Variants in RORB observed in about 807,000 individuals in gnomAD.
RORB encodes the protein RAR related orphan receptor B.
In RORB, 6 loss-of-function variants were observed where a neutral mutation model predicts 59.1. That is an observed-to-expected ratio of 0.10 (90% CI 0.06 to 0.20). The LOEUF (loss-of-function observed/expected upper bound fraction) is 0.20, where lower values mean the gene tolerates loss of function less well. Among genes scored for constraint, RORB ranks in the 10% least tolerant of loss-of-function variants. The pLI, the probability that RORB is intolerant of heterozygous loss-of-function variation, is 1.00. For missense variants in RORB, 320 were observed against 560.5 expected, an observed-to-expected ratio of 0.57 and a Z score of 4.33; for synonymous variants, 215 against 204.5, an observed-to-expected ratio of 1.05 and a Z score of -0.44.
At chr9:74,560,948 A>G (rs1173096261) in intron 1 of RORB, among the ~76,000 whole-genome samples, 1 of 152,156 alleles carries the variant, frequency 6.6e-6, no homozygotes. Context: ...CTTGAAATCC[A>G]GTATGAGACT....
intron 1 of RORB, among the ~76,000 whole-genome samples, chr9:74,613,368 C>A (rs757909649): frequency 1.5e-4 from 23 of 152,186 alleles, no homozygotes; most frequent in Admixed American, 3.3e-4. Flanking sequence ...CCAAATGTAT[C>A]TAATCATAAC....
intron 6 of RORB, 59 bp downstream of exon 6, chr9:74,662,665 A>C: frequency 6.3e-7 from 1 of 1,576,560 alleles, no homozygotes; most frequent in Non-Finnish European, 8.6e-7. Flanking sequence ...AGCCCTTAGC[A>C]CTGTGTTGGT....
At chr9:74,638,010 A>T (rs1298187441) in intron 3 of RORB, among the ~76,000 whole-genome samples, 1 of 152,186 alleles carries the variant, frequency 6.6e-6, no homozygotes, top group East Asian at 1.9e-4. Context: ...GGGTAGATTG[A>T]ATCAGACTTC....
chr9:74,589,311 GTCTT>G (rs1398783973), intron 1 of RORB, among the ~76,000 whole-genome samples: 2 of 152,148 alleles, frequency 1.3e-5, no homozygotes, highest in African/African-American at 4.8e-5. Context: ...GTGTTCCTGT[GTCTT>G]TCTATTTCTT....
chr9:74,559,417 G>A (rs867364872), intron 1 of RORB, among the ~76,000 whole-genome samples: 10 of 152,106 alleles, frequency 6.6e-5, no homozygotes, highest in South Asian at 2.1e-4. Context: ...CTGGTATTGC[G>A]TGGAGTTACT....
At chr9:74,678,384 C>T (rs899985526) in intron 9 of RORB, among the ~76,000 whole-genome samples, 1 of 152,176 alleles carries the variant, frequency 6.6e-6, no homozygotes, top group African/African-American at 2.4e-5. Flanking sequence ...GATTCACTAA[C>T]TTCTTAATTC....
intron 4 of RORB, among the ~76,000 whole-genome samples, chr9:74,643,753 G>A (rs1403779933): frequency 8.5e-5 from 13 of 152,190 alleles, no homozygotes; most frequent in Non-Finnish European, 1.8e-4. Context: ...TAGAGCTCAG[G>A]AACCTTCAAG....
In RORB at chr9:74,652,279, G is replaced by T. The variant is rs150288735; in HGVS notation, c.638-8338G>T. Among the ~76,000 whole-genome samples the T allele has an allele frequency of 6.5e-3, 982 of 152,182 alleles. 4 individuals carry two copies. Among genetic ancestry groups the T allele is most frequent in the Non-Finnish European group, 0.011 (725 of 68,006 alleles). On this transcript the variant is annotated intron_variant, in intron 4 of 9. Coordinates refer to ENST00000376896, the MANE Select transcript of RORB (RefSeq NM_006914.4). Reference sequence around the variant, plus strand: ...AAAAATTAGCCAAGTGTGGTGGCTCGTGCCTGTAGTCCCAGCTAGTTGCAC... The same window carrying T: ...AAAAATTAGCCAAGTGTGGTGGCTCTTGCCTGTAGTCCCAGCTAGTTGCAC...
intron 1 of RORB, among the ~76,000 whole-genome samples, chr9:74,506,091 A>G (rs568975542): frequency 1.3e-5 from 2 of 152,072 alleles, no homozygotes; most frequent in South Asian, 2.1e-4. Flanking sequence ...GAAATGACTG[A>G]TGTATATTGA....
chr9:74,689,120 A>G lies in RORB; in HGVS notation c.*3502A>G, dbSNP rs1824695446. On this transcript the variant is annotated 3_prime_UTR_variant, in exon 10 of 10. Coordinates refer to ENST00000376896, the MANE Select transcript of RORB (RefSeq NM_006914.4). ...TCTGTGGCTCCTTTTTTGTTTTGAG[A>G]CAGATCTTGTTCAACATGTTGCTCA... 1 of 152,168 alleles carries G rather than the reference A, an allele frequency of 6.6e-6. No individual in the cohort carries two copies. 9.4% of individuals were successfully genotyped at this position (152,168 alleles called of 1,614,324 possible). A position where few individuals can be genotyped will look rare whatever the true frequency, so the allele number is the denominator to read the frequency against.
At chr9:74,525,189 GAA>G (rs1042019051) in intron 1 of RORB, among the ~76,000 whole-genome samples, 11 of 151,898 alleles carry the variant, frequency 7.2e-5, no homozygotes, top group African/African-American at 2.7e-4. Context: ...ACTGAATGGA[GAA>G]AGAAGTGTGT....
chr9:74,685,637 C>A lies in RORB; in HGVS notation c.*19C>A. On this transcript the variant is annotated 3_prime_UTR_variant, in exon 10 of 10. Coordinates refer to ENST00000376896, the MANE Select transcript of RORB (RefSeq NM_006914.4). ...CAAATGAAGGGGACAAGAGAACTGTCTCATAGTCATGGAATGCATCACCAT... is the reference window on the plus strand; with the variant it reads ...CAAATGAAGGGGACAAGAGAACTGTATCATAGTCATGGAATGCATCACCAT... 1 of 1,548,952 alleles carries A rather than the reference C, an allele frequency of 6.5e-7. No homozygotes were observed. The highest frequency in any genetic ancestry group is 8.8e-7 in the Non-Finnish European group (1 of 1,139,230).
chr9:74,660,245 T>C (rs907908153), intron 4 of RORB, among the ~76,000 whole-genome samples: 1 of 152,168 alleles, frequency 6.6e-6, no homozygotes, highest in East Asian at 1.9e-4. Context: ...TTCTAGTGAT[T>C]TTCAAAACAT....
At chr9:74,658,675 A>G (rs1265135386) in intron 4 of RORB, among the ~76,000 whole-genome samples, 1 of 152,184 alleles carries the variant, frequency 6.6e-6, no homozygotes, top group Admixed American at 6.5e-5. Context: ...TTAACATTAT[A>G]TACCTACTGG....
intron 4 of RORB, among the ~76,000 whole-genome samples, chr9:74,653,277 T>C (rs1336878373): frequency 6.6e-6 from 1 of 152,210 alleles, no homozygotes; most frequent in Non-Finnish European, 1.5e-5. Context: ...GGCAAGTCCA[T>C]AGAGATATCC....
At chr9:74,649,970 T>C (rs1823965765) in intron 4 of RORB, among the ~76,000 whole-genome samples, 1 of 152,176 alleles carries the variant, frequency 6.6e-6, no homozygotes, top group Non-Finnish European at 1.5e-5. Context: ...ACATTTTGCC[T>C]TAGAATTCAG....
At chr9:74,595,104 A>G (rs1236773074) in intron 1 of RORB, among the ~76,000 whole-genome samples, 1 of 152,206 alleles carries the variant, frequency 6.6e-6, no homozygotes, top group Non-Finnish European at 1.5e-5. Context: ...CAGAAACATA[A>G]GGTATGCTGT....
intron 1 of RORB, among the ~76,000 whole-genome samples, chr9:74,515,866 G>A (rs1333093596): frequency 6.6e-6 from 1 of 152,062 alleles, no homozygotes; most frequent in Non-Finnish European, 1.5e-5. Context: ...TTCAAATTGT[G>A]TAGAATTTTA....
chr9:74,645,097 T>C (rs1006831762), intron 4 of RORB, among the ~76,000 whole-genome samples: 1 of 152,180 alleles, frequency 6.6e-6, no homozygotes, highest in African/African-American at 2.4e-5. Context: ...TTTTGGAGGA[T>C]TTTTTTCATC....
Sources: gnomAD v4.1 joint callset for allele counts (sites outside exome capture counted in the v4.1 genomes callset) on GRCh38, gnomAD v4.1.1 for gene constraint, MANE v1.5 for transcripts, NCBI Gene and HGNC (gene_info 2026-07-23, HGNC 2026-07-21) for gene names.